Variants in RTN4 observed in about 807,000 individuals in gnomAD.
RTN4 encodes the protein reticulon 4, also known as reticulon-4.
A neutral mutation model predicts 90.4 loss-of-function variants in RTN4; 32 were observed. The ratio of observed to expected loss-of-function variants is 0.35; its 90% CI spans 0.27 to 0.48. The LOEUF (loss-of-function observed/expected upper bound fraction) is 0.48, where lower values mean the gene tolerates loss of function less well. Among genes scored for constraint, RTN4 ranks in the 20% least tolerant of loss-of-function variants. RTN4 has a pLI of 0.99. For missense variants in RTN4, 1,706 were observed against 1,430.2 expected (o/e 1.19, Z -3.11); for synonymous variants, 629 against 552.5 (o/e 1.14, Z -1.94).
At chr2:55,098,565 A>G (rs1404750705) in intron 1 of RTN4, among the ~76,000 whole-genome samples, 1 of 152,072 alleles carries the variant, frequency 6.6e-6, no homozygotes, top group African/African-American at 2.4e-5. Flanking sequence ...GAGTTTTTTA[A>G]AACCATAATA....
intron 5 of RTN4, among the ~76,000 whole-genome samples, chr2:54,975,539 G>A (rs1677553361): frequency 6.6e-6 from 1 of 152,056 alleles, no homozygotes; most frequent in African/African-American, 2.4e-5. Context: ...AGGTTTTATG[G>A]GCCACATAGG....
At chr2:55,081,348 A>C (rs1278568972) in intron 1 of RTN4, among the ~76,000 whole-genome samples, 1 of 152,062 alleles carries the variant, frequency 6.6e-6, no homozygotes, top group Non-Finnish European at 1.5e-5. Context: ...AAGTGCTGGG[A>C]TTACAGGTAT....
At chr2:55,048,749 T>C (rs529391017) in intron 1 of RTN4, among the ~76,000 whole-genome samples, 2 of 152,300 alleles carry the variant, frequency 1.3e-5, no homozygotes, top group East Asian at 1.9e-4. Flanking sequence ...TATATGAAAA[T>C]GTCTGTCTCA....
chr2:55,020,411 T>C (rs1327417036), intron 3 of RTN4, among the ~76,000 whole-genome samples: 1 of 123,014 alleles, frequency 8.1e-6, no homozygotes, highest in Admixed American at 8.6e-5. Context: ...CTATAGCCAA[T>C]CAATTTTTGG....
intron 3 of RTN4, among the ~76,000 whole-genome samples, chr2:55,002,143 C>T (rs941723198): frequency 2.6e-5 from 4 of 152,098 alleles, no homozygotes; most frequent in Admixed American, 2.0e-4. Flanking sequence ...ACTGCAGCCT[C>T]GACCTCCTGG....
chr2:55,002,846 T>C (rs1558790137), intron 3 of RTN4, among the ~76,000 whole-genome samples: 2 of 152,218 alleles, frequency 1.3e-5, no homozygotes. Flanking sequence ...GTATTTCTGA[T>C]ACATGTTGAT....
intron 3 of RTN4, among the ~76,000 whole-genome samples, chr2:55,016,518 G>C (rs1039096668): frequency 4.6e-5 from 7 of 152,178 alleles, no homozygotes; most frequent in Non-Finnish European, 1.0e-4. Context: ...AGGAGGCAGA[G>C]GTTGCAGTGA....
intron 1 of RTN4, among the ~76,000 whole-genome samples, 157 bp from the exon 2 acceptor site, chr2:55,028,377 C>T (rs1294818430): frequency 1.3e-5 from 2 of 152,128 alleles, no homozygotes; most frequent in Non-Finnish European, 2.9e-5. Flanking sequence ...AAAAGTAGTA[C>T]CATTAATTCA....
At position 55,049,746 on chromosome 2, in the gene RTN4, C is replaced by A. The variant is rs1378021836; in HGVS notation, c.555G>T (p.Val185=). The A allele has an allele frequency of 7.3e-7, 1 of 1,362,528 alleles. No homozygotes were observed. The highest frequency in any genetic ancestry group is 9.5e-7 in the Non-Finnish European group (1 of 1,055,512). 84.4% of individuals were successfully genotyped at this position (1,362,528 alleles called of 1,614,324 possible). The change falls in exon 1 of 9, where the codon GTG becomes GTT. Residue 185 remains valine (V), a splice_region_variant and synonymous_variant. Coordinates refer to ENST00000337526, the MANE Select transcript of RTN4 (RefSeq NM_020532.5). ...APKRRGSSGS[V]DETLFALPAA... ...GAAGCGAGAGGTCGCGGCACTCACCCACTGAGCCCGAGGAGCCCCTGCGCT... is the reference window on the plus strand; with the variant it reads ...GAAGCGAGAGGTCGCGGCACTCACCAACTGAGCCCGAGGAGCCCCTGCGCT...
chr2:55,008,788 G>A (rs571242218), intron 3 of RTN4, among the ~76,000 whole-genome samples: 1 of 152,072 alleles, frequency 6.6e-6, no homozygotes, highest in Non-Finnish European at 1.5e-5. Flanking sequence ...TGCAGAATGA[G>A]CCCTGATACG....
At position 54,973,005 on chromosome 2, in the gene RTN4, TCAC is replaced by T; in HGVS notation, c.*148_*150del. 2 of 581,016 alleles carry T rather than the reference TCAC, an allele frequency of 3.4e-6. No individual in the cohort carries two copies. Among genetic ancestry groups the T allele is most frequent in the South Asian group, 5.7e-5 (2 of 35,026 alleles). The allele number at this position is 581,016 out of a possible 1,614,324, so 36.0% of individuals were successfully genotyped here. On this transcript the variant is annotated 3_prime_UTR_variant, in exon 9 of 9. Transcript: ENST00000337526. ...GGCAGTCAAGACAGGTAATTTTTCCTCACAACAGTGCATGGCTAAAAATAAAGA... is the reference window on the plus strand; with the variant it reads ...GGCAGTCAAGACAGGTAATTTTTCCTAACAGTGCATGGCTAAAAATAAAGA...
chr2:55,010,203 T>A (rs1680531760), intron 3 of RTN4: 2 of 1,600,720 alleles, frequency 1.2e-6, no homozygotes, highest in Non-Finnish European at 1.7e-6. Context: ...ACCTACTCCC[T>A]GAGACATGAA....
chr2:55,028,082 A>G (rs944884113), intron 2 of RTN4, 82 bp downstream of exon 2: 240 of 1,214,568 alleles, frequency 2.0e-4, no homozygotes, highest in African/African-American at 4.3e-4. Flanking sequence ...TAGTAAACCC[A>G]AACTACTCTG....
chr2:55,113,265 T>C (rs193270615), upstream of RTN4, among the ~76,000 whole-genome samples: 1 of 152,336 alleles, frequency 6.6e-6, no homozygotes, highest in Non-Finnish European at 1.5e-5. Flanking sequence ...ATTCTCTTCT[T>C]TATGTGTGGA....
chr2:55,058,472 A>ACATG (rs1668229696), intron 2 of RTN4, among the ~76,000 whole-genome samples: 1 of 152,238 alleles, frequency 6.6e-6, no homozygotes, highest in South Asian at 2.1e-4. Flanking sequence ...TCCATGGTGT[A>ACATG]CATGCCAGCT....
intron 1 of RTN4, among the ~76,000 whole-genome samples, chr2:55,030,798 C>T (rs1194755819): frequency 6.6e-6 from 1 of 152,174 alleles, no homozygotes; most frequent in Non-Finnish European, 1.5e-5. Context: ...TGTACAAGTG[C>T]AACTGGTGCA....
At chr2:54,986,152 T>C (rs939825102) in intron 4 of RTN4, among the ~76,000 whole-genome samples, 28 of 152,136 alleles carry the variant, frequency 1.8e-4, no homozygotes, top group Non-Finnish European at 2.6e-4. Context: ...GACAAAGACA[T>C]ATGGACTTCA....
chr2:55,108,394 A>T (rs182868265), intron 1 of RTN4, among the ~76,000 whole-genome samples: 10 of 152,242 alleles, frequency 6.6e-5, no homozygotes, highest in Admixed American at 1.3e-4. Context: ...ATCTCTTGCC[A>T]GGCAGGAGAG....
At chr2:55,132,636 C>T in the RTN4 span, among the ~76,000 whole-genome samples, 1 of 151,560 alleles carries the variant, frequency 6.6e-6, no homozygotes, top group African/African-American at 2.4e-5. Flanking sequence ...ACATGGTATA[C>T]CCCTGTCTCT....
Sources: gnomAD v4.1 joint callset for allele counts (sites outside exome capture counted in the v4.1 genomes callset) on GRCh38, gnomAD v4.1.1 for gene constraint, MANE v1.5 for transcripts, NCBI Gene and HGNC (gene_info 2026-07-23, HGNC 2026-07-21) for gene names.